Variants in SATB2 observed in about 807,000 individuals in gnomAD.
SATB2 encodes the protein DNA-binding protein SATB2.
A neutral mutation model predicts 73.4 loss-of-function variants in SATB2; 1 was observed. The ratio of observed to expected loss-of-function variants is 0.01; its 90% CI spans 0.00 to 0.06. The LOEUF (loss-of-function observed/expected upper bound fraction) is 0.06. Among genes scored for constraint, SATB2 ranks in the 10% least tolerant of loss-of-function variants. SATB2 has a pLI of 1.00. For synonymous variants in SATB2, 397 were observed against 367.0 expected (o/e 1.08, Z -0.93); for missense variants, 459 against 945.8 (o/e 0.49, Z 6.75).
At chr2:199,395,586 T>C (rs908733298) in intron 3 of SATB2, among the ~76,000 whole-genome samples, 10 of 152,164 alleles carry the variant, frequency 6.6e-5, no homozygotes, top group Non-Finnish European at 1.3e-4. Context: ...AAAAAATGCT[T>C]GTATAATAAT....
At chr2:199,444,855 A>C (rs551330185) in intron 2 of SATB2, among the ~76,000 whole-genome samples, 3 of 152,330 alleles carry the variant, frequency 2.0e-5, no homozygotes, top group East Asian at 3.9e-4. Flanking sequence ...TGTTAACACA[A>C]ATAGGATCGA....
Position 199,323,962 on chromosome 2 carries a change from C to A in SATB2, c.1387-4G>T, listed in dbSNP as rs749603983. 11 of 1,613,154 alleles carry A rather than the reference C, an allele frequency of 6.8e-6. No homozygotes were observed. Among genetic ancestry groups the A allele is most frequent in the Non-Finnish European group, 6.8e-6 (8 of 1,179,428 alleles). ...TTGTCGGTGTCGAGGTTTTGGCCTA[C>A]CAAGAGACCATGAAAATAATAATTT... On this transcript the variant is annotated splice_region_variant and splice_polypyrimidine_tract_variant and intron_variant, in intron 8 of 10. Coordinates refer to ENST00000417098, the MANE Select transcript of SATB2 (RefSeq NM_001172509.2).
chr2:199,285,164 T>C (rs1209070707), intron 10 of SATB2, among the ~76,000 whole-genome samples: 1 of 152,074 alleles, frequency 6.6e-6, no homozygotes, highest in Non-Finnish European at 1.5e-5. Context: ...GGGTCCTCAA[T>C]AGTAACAGTG....
rs1162323579 is a variant in SATB2, at chr2:199,308,332, T to C, written c.1740+428A>G. Among the ~76,000 whole-genome samples the C allele has an allele frequency of 2.0e-5, 3 of 152,180 alleles. No individual in the cohort carries two copies. The highest frequency in any genetic ancestry group is 1.3e-4 in the Admixed American group (2 of 15,278). On this transcript the variant is annotated intron_variant, in intron 10 of 10. Transcript: ENST00000417098. The surrounding 1 kb of genome is among the most constrained non-coding windows in gnomAD (Gnocchi z 4.6). ...TTCCCTAGGTCATGTGGCTATTTCT[T>C]TTCCTCAGTCTAATCAAACATTCTT...
At chr2:199,422,863 T>C (rs765381713) in intron 3 of SATB2, among the ~76,000 whole-genome samples, 15 of 152,132 alleles carry the variant, frequency 9.9e-5, no homozygotes, top group Non-Finnish European at 1.9e-4. Flanking sequence ...ATATGTCTAT[T>C]ATGTAAAAGC....
chr2:199,371,434 G>A (rs553105297), intron 5 of SATB2, among the ~76,000 whole-genome samples: 110 of 151,762 alleles, frequency 7.2e-4, no homozygotes, highest in African/African-American at 2.4e-3. Context: ...GTTCTCTAAA[G>A]GTCCTGGGAC....
chr2:199,457,754 C>G lies in SATB2; in HGVS notation c.-475G>C, dbSNP rs1369417086. The stretch of plus-strand genomic sequence containing the variant: ...CGGCGGCGGCGGCGGCGAGCCGGGG[C>G]TGCTGGTTCGCAGGGCGGCTAGCTC... On this transcript the variant is annotated 5_prime_UTR_variant, in exon 1 of 11. Coordinates refer to ENST00000417098, the MANE Select transcript of SATB2 (RefSeq NM_001172509.2). This position sits in a 1 kb window ranked among gnomAD's most constrained non-coding sequence, Gnocchi z 4.8. The G allele has an allele frequency of 6.3e-6, 1 of 159,756 alleles. No homozygotes were observed. The highest frequency in any genetic ancestry group is 1.4e-5 in the Non-Finnish European group (1 of 73,844). 9.9% of individuals were successfully genotyped at this position (159,756 alleles called of 1,614,324 possible).
chr2:199,344,577 C>T (rs1030864162), intron 7 of SATB2, among the ~76,000 whole-genome samples: 13 of 152,358 alleles, frequency 8.5e-5, no homozygotes, highest in Non-Finnish European at 1.6e-4. Flanking sequence ...TTTTACCTCT[C>T]TTGGCCTCCT....
intron 7 of SATB2, chr2:199,348,466 T>C (rs1688718490): frequency 1.9e-6 from 1 of 534,548 alleles, no homozygotes; most frequent in South Asian, 2.1e-5. Flanking sequence ...GGGTCCTGAG[T>C]TGCATGTTGG....
At chr2:199,465,623 C>T (rs1692578637), upstream of SATB2, among the ~76,000 whole-genome samples, 1 of 152,104 alleles carries the variant, frequency 6.6e-6, no homozygotes, top group Admixed American at 6.5e-5. Context: ...TGCAAATAAC[C>T]CATTTGTTAG....
upstream of SATB2, chr2:199,469,618 T>G (rs570522771): frequency 2.6e-5 from 4 of 152,498 alleles, no homozygotes; most frequent in South Asian, 8.3e-4. Flanking sequence ...AACCTGATCC[T>G]GGCCCCCGGC....
chr2:199,273,476 T>G (rs1317408066), intron 10 of SATB2, among the ~76,000 whole-genome samples: 3 of 152,228 alleles, frequency 2.0e-5, no homozygotes, highest in Non-Finnish European at 4.4e-5. Context: ...GAGGAATAAT[T>G]GGTACTTAAG....
intron 10 of SATB2, among the ~76,000 whole-genome samples, chr2:199,290,972 G>C (rs934534733): frequency 6.6e-6 from 1 of 152,168 alleles, no homozygotes; most frequent in South Asian, 2.1e-4. Context: ...AGAAGTATTT[G>C]TTAAAAAATG....
At chr2:199,392,834 T>A (rs550698389) in intron 3 of SATB2, among the ~76,000 whole-genome samples, 2 of 152,270 alleles carry the variant, frequency 1.3e-5, no homozygotes, top group South Asian at 4.1e-4. Flanking sequence ...AATTATAAAG[T>A]CCTGTATAAA....
intron 5 of SATB2, among the ~76,000 whole-genome samples, chr2:199,370,640 C>T (rs965617901): frequency 6.6e-6 from 1 of 152,068 alleles, no homozygotes; most frequent in Non-Finnish European, 1.5e-5. Flanking sequence ...AGGCCACAAG[C>T]CCAGACGACT....
upstream of SATB2, among the ~76,000 whole-genome samples, chr2:199,465,712 T>C (rs531247813): frequency 6.6e-6 from 1 of 152,368 alleles, no homozygotes; most frequent in East Asian, 1.9e-4. Flanking sequence ...CCAACCATAG[T>C]GATATATACT....
At chr2:199,388,363 A>G (rs1186483657) in intron 3 of SATB2, among the ~76,000 whole-genome samples, 4 of 152,186 alleles carry the variant, frequency 2.6e-5, no homozygotes, top group Non-Finnish European at 5.9e-5. Context: ...AAATAAGCCA[A>G]GATGATAGCT....
At chr2:199,448,502 G>A (rs778272642) in intron 2 of SATB2, among the ~76,000 whole-genome samples, 12 of 152,102 alleles carry the variant, frequency 7.9e-5, no homozygotes, top group Non-Finnish European at 1.5e-4. Context: ...TTTAAAGAAA[G>A]AAAAAGATAT....
chr2:199,407,071 A>G (rs1488381486), intron 3 of SATB2, among the ~76,000 whole-genome samples: 5 of 152,148 alleles, frequency 3.3e-5, no homozygotes, highest in African/African-American at 4.8e-5. Context: ...CTGTAATCCC[A>G]GCATCTTGGG....
Sources: gnomAD v4.1 joint callset for allele counts (sites outside exome capture counted in the v4.1 genomes callset) on GRCh38, gnomAD v4.1.1 for gene constraint, Gnocchi (gnomAD v3.1) non-coding constraint, MANE v1.5 for transcripts, NCBI Gene and HGNC (gene_info 2026-07-23, HGNC 2026-07-21) for gene names.